Variants in MEGF11 observed in about 807,000 individuals in gnomAD.
The protein encoded by MEGF11 is multiple EGF like domains 11.
In MEGF11, 126 loss-of-function variants were observed where a neutral mutation model predicts 146.6. The observed-to-expected ratio is 0.86, with a 90% CI of 0.74 to 1.00. The LOEUF is 1.00. Among genes scored for constraint, MEGF11 ranks in the 50% least tolerant of loss-of-function variants. MEGF11 has a pLI of 0.00. For missense variants in MEGF11, 1,509 were observed against 1,521.2 expected, an observed-to-expected ratio of 0.99 and a Z score of 0.13; for synonymous variants, 532 against 583.4, an observed-to-expected ratio of 0.91 and a Z score of 1.27.
intron 8 of MEGF11, among the ~76,000 whole-genome samples, chr15:65,970,293 G>A (rs1465655998): frequency 6.6e-6 from 1 of 152,176 alleles, no homozygotes; most frequent in Non-Finnish European, 1.5e-5. Context: ...TAGAGAGTGG[G>A]GGCAGGTGCT....
At chr15:66,144,687 G>A (rs956605384) in intron 1 of MEGF11, among the ~76,000 whole-genome samples, 1 of 152,118 alleles carries the variant, frequency 6.6e-6, no homozygotes, top group Non-Finnish European at 1.5e-5. Context: ...CAGCCACCCC[G>A]GGGCTGGTAC....
chr15:66,149,531 C>T (rs1567264031), intron 1 of MEGF11, among the ~76,000 whole-genome samples: 1 of 152,058 alleles, frequency 6.6e-6, no homozygotes, highest in South Asian at 2.1e-4. Flanking sequence ...ACTGTCACAC[C>T]CCCCTCCACC....
At chr15:66,184,221 G>A (rs1308194726) in intron 1 of MEGF11, among the ~76,000 whole-genome samples, 2 of 152,068 alleles carry the variant, frequency 1.3e-5, no homozygotes, top group South Asian at 2.1e-4. Context: ...AGTTTAATAT[G>A]CATCAATTAT....
chr15:66,113,054 G>A (rs2087517060), intron 4 of MEGF11, among the ~76,000 whole-genome samples: 3 of 152,130 alleles, frequency 2.0e-5, no homozygotes. Flanking sequence ...ACATAATTTG[G>A]CATAGAGTTG....
chr15:66,213,740 TTTAA>T (rs1234021777), intron 1 of MEGF11, among the ~76,000 whole-genome samples: 1 of 151,746 alleles, frequency 6.6e-6, no homozygotes, highest in East Asian at 1.9e-4. Flanking sequence ...TTTATTTATT[TTTAA>T]TTAATTTTAA....
intron 4 of MEGF11, among the ~76,000 whole-genome samples, chr15:66,110,957 C>A (rs1327193559): frequency 6.6e-6 from 1 of 152,148 alleles, no homozygotes; most frequent in Non-Finnish European, 1.5e-5. Flanking sequence ...AAACCTCCTC[C>A]CCTGCCCTCT....
intron 2 of MEGF11, among the ~76,000 whole-genome samples, chr15:66,127,536 C>A (rs530740631): frequency 3.3e-5 from 5 of 152,206 alleles, no homozygotes; most frequent in African/African-American, 4.8e-5. Context: ...TCCCATAGGG[C>A]CCTCATCTTA....
At chr15:66,160,242 CCTCT>C (rs143653192) in intron 1 of MEGF11, among the ~76,000 whole-genome samples, 20,651 of 133,338 alleles carry the variant, frequency 0.15, 1,467 homozygotes, top group Non-Finnish European at 0.2. Flanking sequence ...AAGGAAAAGC[CCTCT>C]CTCTCTCTCT....
rs149348947 is a variant in MEGF11, at chr15:66,218,424, A to C, written c.-9+35181T>G. Among the ~76,000 whole-genome samples, 805 of 152,260 alleles carry C rather than the reference A, an allele frequency of 5.3e-3. 9 individuals carry two copies. The highest frequency in any genetic ancestry group is 0.019 in the African/African-American group (770 of 41,560). On this transcript the variant is annotated intron_variant, in intron 1 of 25. Transcript: ENST00000395614. ...GTCATCATGCTCTAAAAGCTAAGGA[A>C]GAGACCCCTGCAATCTGTCCCCAAA...
intron 10 of MEGF11, among the ~76,000 whole-genome samples, chr15:65,949,183 C>G (rs1470410341): frequency 6.6e-6 from 1 of 152,228 alleles, no homozygotes; most frequent in East Asian, 1.9e-4. Flanking sequence ...AGCTTAGGAG[C>G]CACCCAAGAG....
intron 8 of MEGF11, among the ~76,000 whole-genome samples, chr15:65,965,600 C>CTTTTTTTTTTTTTTT (rs767520450): frequency 3.2e-4 from 6 of 18,878 alleles, no homozygotes; most frequent in Non-Finnish European, 5.4e-4. Flanking sequence ...TTCTTTCTTT[C>CTTTTTTTTTTTTTTT]TTTTTTTTTT....
chr15:65,989,228 C>T (rs138124854), intron 5 of MEGF11, among the ~76,000 whole-genome samples: 2 of 152,258 alleles, frequency 1.3e-5, no homozygotes, highest in East Asian at 1.9e-4. Flanking sequence ...TAGTCCTTCC[C>T]ATTCCATAGA....
At chr15:66,115,983 G>A (rs1279938125) in intron 4 of MEGF11, among the ~76,000 whole-genome samples, 2 of 152,132 alleles carry the variant, frequency 1.3e-5, no homozygotes, top group South Asian at 2.1e-4. Context: ...CCCAGCCTGT[G>A]GTACTTTGTA....
At chr15:65,976,099 A>G (rs142854365) in intron 7 of MEGF11, among the ~76,000 whole-genome samples, 1 of 145,732 alleles carries the variant, frequency 6.9e-6, no homozygotes, top group Admixed American at 7.1e-5. Flanking sequence ...CTGGAGTGCA[A>G]TGATGTGATC....
intron 1 of MEGF11, among the ~76,000 whole-genome samples, chr15:66,145,057 C>A (rs1286135471): frequency 1.3e-5 from 2 of 152,192 alleles, no homozygotes; most frequent in East Asian, 1.9e-4. Context: ...AGAATACCTG[C>A]CCAAGTCCTT....
At chr15:66,091,819 C>A (rs148156030) in intron 5 of MEGF11, among the ~76,000 whole-genome samples, 1 of 152,098 alleles carries the variant, frequency 6.6e-6, no homozygotes, top group Middle Eastern at 3.2e-3. Context: ...CCACGGCCAA[C>A]GGAGAGAAAC....
chr15:66,026,445 G>T (rs928077626), intron 5 of MEGF11, among the ~76,000 whole-genome samples: 1 of 152,182 alleles, frequency 6.6e-6, no homozygotes, highest in African/African-American at 2.4e-5. Flanking sequence ...AATTGAGGCA[G>T]TGCAGGATGT....
intron 1 of MEGF11, among the ~76,000 whole-genome samples, chr15:66,231,920 A>C (rs72625769): frequency 1.3e-5 from 2 of 152,036 alleles, no homozygotes; most frequent in Admixed American, 6.5e-5. Flanking sequence ...CCTTGTGCTG[A>C]GTGTTCACCC....
chr15:66,048,171 C>G (rs1427036023), intron 5 of MEGF11, among the ~76,000 whole-genome samples: 2 of 152,188 alleles, frequency 1.3e-5, no homozygotes, highest in Admixed American at 1.3e-4. Flanking sequence ...CTCTTGAATT[C>G]CTGACCCCAA....
Sources: gnomAD v4.1 joint callset for allele counts (sites outside exome capture counted in the v4.1 genomes callset) on GRCh38, gnomAD v4.1.1 for gene constraint, MANE v1.5 for transcripts, NCBI Gene and HGNC (gene_info 2026-07-23, HGNC 2026-07-21) for gene names.